The following MTAP variants were observed in gnomAD, a reference collection of about 807,000 sequenced individuals.
The protein encoded by MTAP is S-methyl-5'-thioadenosine phosphorylase.
Under a neutral mutation model 33.6 loss-of-function variants are expected in MTAP, and 33 were observed. The ratio of observed to expected loss-of-function variants is 0.98; its 90% confidence interval spans 0.74 to 1.31. The LOEUF is 1.31. Among genes scored for constraint, MTAP ranks in the 40% most tolerant of loss-of-function variants. The pLI is 0.00. For synonymous variants in MTAP, 148 were observed against 125.7 expected, an observed-to-expected ratio of 1.18 and a Z score of -1.19; for missense variants, 367 against 360.0, an observed-to-expected ratio of 1.02 and a Z score of -0.16.
chr9:21,903,094 G>C (rs1222431627), intron 1 of MTAP, among the ~76,000 whole-genome samples: 1 of 152,188 alleles, frequency 6.6e-6, no homozygotes, highest in East Asian at 1.9e-4. Flanking sequence ...TTACAAATGA[G>C]GAAGGAGGAT....
At chr9:21,829,553 G>A (rs563195452) in intron 4 of MTAP, among the ~76,000 whole-genome samples, 56 of 151,214 alleles carry the variant, frequency 3.7e-4, no homozygotes, top group South Asian at 1.0e-3. Flanking sequence ...TACACTGCCC[G>A]TGTATTCTCT....
intron 1 of MTAP, among the ~76,000 whole-genome samples, chr9:21,907,571 A>C (rs969482169): frequency 3.3e-5 from 5 of 152,160 alleles, no homozygotes; most frequent in South Asian, 2.1e-4. Flanking sequence ...ACAACAACAA[A>C]AAAAATTATT....
In MTAP at chr9:21,838,011, G is replaced by T. The variant is rs1230246547; in HGVS notation, c.450+1G>T. The T allele has an allele frequency of 1.2e-6, 2 of 1,612,308 alleles. No individual in the cohort carries two copies. Among genetic ancestry groups the T allele is most frequent in the African/African-American group, 1.3e-5 (1 of 74,886 alleles). On this transcript the variant is annotated splice_donor_variant, in intron 5 of 7. Coordinates refer to ENST00000644715, the MANE Select transcript of MTAP (RefSeq NM_002451.4). LOFTEE classifies it high-confidence loss of function. ...GCCGTTTTGCCCCAAAACGAGAGAG[G>T]TGTGTAGTCTTTCTGGAAGGTGTAC...
chr9:21,825,957 T>A (rs1242132290), intron 4 of MTAP, among the ~76,000 whole-genome samples: 3 of 152,266 alleles, frequency 2.0e-5, no homozygotes, highest in Admixed American at 2.0e-4. Flanking sequence ...GAATGTCTAT[T>A]CAAGTCCTTT....
chr9:21,915,000 T>TTCCTTCCTTCCTTCCTTCCTTCC (rs1818653467), intron 1 of MTAP, among the ~76,000 whole-genome samples: 1 of 83,766 alleles, frequency 1.2e-5, no homozygotes, highest in Non-Finnish European at 2.1e-5. Context: ...CTTTGTTTTC[T>TTCCTTCCTTCCTTCCTTCCTTCC]TTCCTTCCTT....
chr9:21,917,943 A>G (rs1230890836), intron 1 of MTAP, among the ~76,000 whole-genome samples: 3 of 152,258 alleles, frequency 2.0e-5, no homozygotes, highest in Non-Finnish European at 4.4e-5. Context: ...TTTTGCGGCA[A>G]CTTGGATAGA....
At position 21,915,034 on chromosome 9, in the gene MTAP, TCCTTCCTTCCTTCC is replaced by T. The variant is rs1310929809; in HGVS notation, c.148-15973_148-15960del. Among the ~76,000 whole-genome samples, 539 of 106,048 alleles carry T rather than the reference TCCTTCCTTCCTTCC, an allele frequency of 5.1e-3. 30 individuals are homozygous for T. The highest frequency in any genetic ancestry group is 0.026 in the African/African-American group (516 of 20,210). 69.6% of individuals were successfully genotyped at this position (106,048 alleles called of 152,430 possible). ...TTCCTTCCTTCCTTCCTTCCTTCCTTCCTTCCTTCCTTCCTTCCTTCCTTTCTTTCTTTCTTTCT... is the reference window on the plus strand; with the variant it reads ...TTCCTTCCTTCCTTCCTTCCTTCCTTTTCCTTCCTTTCTTTCTTTCTTTCT... On this transcript the variant is annotated intron_variant, in intron 1 of 1. Transcript: ENST00000577563.
In MTAP at chr9:21,854,680, G is replaced by A; in HGVS notation, c.500G>A (p.Gly167Glu). ...CTAGGACTCCGGTGCCACTCAAAGG[G>A]GACAATGGTCACAATCGAGGGACCT... ...KKLGLRCHSK[G>E]TMVTIEGPRF... The change falls in exon 6 of 8, where the codon GGG becomes GAG. Residue 167 changes from glycine to glutamate, a missense_variant. Coordinates refer to ENST00000644715, the MANE Select transcript of MTAP (RefSeq NM_002451.4). The A allele has an allele frequency of 1.2e-6, 2 of 1,613,210 alleles. No homozygotes were observed. Among genetic ancestry groups the A allele is most frequent in the African/African-American group, 1.3e-5 (1 of 75,026 alleles).
chr9:21,805,216 G>C (rs562213190), intron 1 of MTAP, among the ~76,000 whole-genome samples: 1 of 152,122 alleles, frequency 6.6e-6, no homozygotes, highest in African/African-American at 2.4e-5. Flanking sequence ...TAACGGGGTG[G>C]ATCTTAAATT....
intron 1 of MTAP, among the ~76,000 whole-genome samples, chr9:21,909,188 C>G (rs1250281248): frequency 6.6e-6 from 1 of 151,924 alleles, no homozygotes; most frequent in Non-Finnish European, 1.5e-5. Flanking sequence ...CTTAGTTTCC[C>G]TTTAACTGAG....
intron 4 of MTAP, among the ~76,000 whole-genome samples, chr9:21,832,158 A>G (rs1210858374): frequency 6.6e-6 from 1 of 152,200 alleles, no homozygotes; most frequent in African/African-American, 2.4e-5. Context: ...TTTGTCACGC[A>G]TTCTTACTCA....
At position 21,882,542 on chromosome 9, in the gene MTAP, G is replaced by C. The variant is rs1445022054; in HGVS notation, c.147+27672G>C. Among the ~76,000 whole-genome samples the C allele has an allele frequency of 2.0e-5, 3 of 152,014 alleles. No individual in the cohort carries two copies. In the East Asian group the frequency reaches 5.8e-4, roughly 29 times the overall value. On this transcript the variant is annotated intron_variant, in intron 1 of 1. Coordinates refer to the MTAP transcript ENST00000577563. ...AATTTACAAAAACTACAGTCAGCAT[G>C]AGATTTCTATTTTTCTCTCTTACAA...
intron 4 of MTAP, among the ~76,000 whole-genome samples, chr9:21,820,933 T>C (rs1824620023): frequency 6.6e-6 from 1 of 152,240 alleles, no homozygotes; most frequent in South Asian, 2.1e-4. Flanking sequence ...GTTTGTCTGT[T>C]ATTGGTGTAT....
intron 4 of MTAP, 29 bp from the exon 5 acceptor site, chr9:21,837,879 A>G (rs1281411265): frequency 9.4e-6 from 15 of 1,596,034 alleles, no homozygotes; most frequent in Non-Finnish European, 1.3e-5. Context: ...AATAAAACAA[A>G]CAAAAACCTT....
At position 21,864,466 on chromosome 9, in the gene MTAP, C is replaced by T. The variant is rs1297612546; in HGVS notation, c.*2452C>T. On this transcript the variant is annotated 3_prime_UTR_variant, in exon 8 of 8. Coordinates refer to ENST00000644715, the MANE Select transcript of MTAP (RefSeq NM_002451.4). Reference sequence around the variant, plus strand: ...TCATGGGAAAGCTGTAGTTTAGTGACTTAGCCCTTAGTGATTAATAGATTT... The same window carrying T: ...TCATGGGAAAGCTGTAGTTTAGTGATTTAGCCCTTAGTGATTAATAGATTT... 1.4e-5 allele frequency: 14 copies of T among 985,232 alleles called. No individual in the cohort carries two copies. The highest frequency in any genetic ancestry group is 1.6e-5 in the Non-Finnish European group (13 of 829,944). The allele number at this position is 985,232 out of a possible 1,614,324, so 61.0% of individuals were successfully genotyped here.
intron 1 of MTAP, among the ~76,000 whole-genome samples, chr9:21,896,537 A>G (rs1473918598): frequency 6.6e-6 from 1 of 152,102 alleles, no homozygotes; most frequent in African/African-American, 2.4e-5. Flanking sequence ...AGATGCAATA[A>G]AAAATGATAA....
rs530491797 is a variant in MTAP, at chr9:21,802,702, C to T, written c.-47C>T. 4 of 1,598,132 alleles carry T rather than the reference C, an allele frequency of 2.5e-6. No individual in the cohort carries two copies. In the African/African-American group the frequency reaches 5.4e-5, roughly 21 times the overall value. On this transcript the variant is annotated 5_prime_UTR_variant, in exon 1 of 8. Coordinates refer to ENST00000644715, the MANE Select transcript of MTAP (RefSeq NM_002451.4). ...ACCGCTCTGTGGCTCGCTTGGTTCC[C>T]TTAGTCCCGAGCGCTCGCCCACTGC...
At chr9:21,896,171 T>C (rs1361583579) in intron 1 of MTAP, among the ~76,000 whole-genome samples, 1 of 152,126 alleles carries the variant, frequency 6.6e-6, no homozygotes, top group East Asian at 1.9e-4. Context: ...ATTGGGTCCA[T>C]AACGAAAGGA....
intron 4 of MTAP, among the ~76,000 whole-genome samples, chr9:21,830,619 A>G (rs955542957): frequency 1.3e-5 from 2 of 152,332 alleles, no homozygotes; most frequent in East Asian, 1.9e-4. Flanking sequence ...AAAGGCTCTC[A>G]TAAGATATGT....
Sources: allele counts gnomAD v4.1 joint callset (sites outside exome capture counted in the v4.1 genomes callset), GRCh38; gene constraint gnomAD v4.1.1; transcripts MANE v1.5; gene names NCBI Gene and HGNC (gene_info 2026-07-23, HGNC 2026-07-21).